Variants in LEPR observed in about 807,000 individuals in gnomAD.
LEPR encodes OB receptor.
In LEPR, 56 loss-of-function variants were observed where a neutral mutation model predicts 114.7. The observed-to-expected ratio is 0.49, with a 90% CI of 0.39 to 0.61. LEPR has a LOEUF of 0.61. LEPR is among the 20% of genes least tolerant of loss of function. The probability of loss-of-function intolerance (pLI) is 0.00; values close to 1 mark genes in which losing one functional copy is unlikely to be tolerated. For missense variants in LEPR, 1,202 were observed against 1,352.9 expected (o/e 0.89, Z 1.75); for synonymous variants, 443 against 461.4 (o/e 0.96, Z 0.51).
intron 14 of LEPR, among the ~76,000 whole-genome samples, chr1:65,613,759 CAAAAAAA>C (rs754145031): frequency 6.2e-5 from 2 of 32,286 alleles, no homozygotes; most frequent in South Asian, 1.3e-3. Context: ...GACTCCGTCT[CAAAAAAA>C]AAAAAAAAAA....
chr1:65,525,464 C>G (rs1266641256), intron 2 of LEPR, among the ~76,000 whole-genome samples: 1 of 152,122 alleles, frequency 6.6e-6, no homozygotes, highest in East Asian at 1.9e-4. Flanking sequence ...CGCAGGCCCG[C>G]GGCCACCCGC....
intron 19 of LEPR, among the ~76,000 whole-genome samples, chr1:65,632,919 G>A (rs892901343): frequency 6.6e-6 from 1 of 151,574 alleles, no homozygotes; most frequent in Non-Finnish European, 1.5e-5. Flanking sequence ...CCCTTCCTGG[G>A]GTAATTAAAG....
intron 2 of LEPR, among the ~76,000 whole-genome samples, chr1:65,474,485 C>T (rs1036621629): frequency 6.6e-6 from 1 of 152,212 alleles, no homozygotes; most frequent in Non-Finnish European, 1.5e-5. Context: ...CTCATCTGGT[C>T]ACTATCTAAG....
At chr1:65,428,933 A>G (rs1046803102) in intron 2 of LEPR, among the ~76,000 whole-genome samples, 2 of 152,162 alleles carry the variant, frequency 1.3e-5, no homozygotes, top group South Asian at 2.1e-4. Flanking sequence ...ATGAAGATCA[A>G]AGTACATCTA....
intron 2 of LEPR, among the ~76,000 whole-genome samples, chr1:65,448,451 G>A (rs985271465): frequency 3.3e-5 from 5 of 152,062 alleles, no homozygotes; most frequent in East Asian, 3.9e-4. Context: ...TTTTGCATCC[G>A]TGTTCATGAA....
intron 2 of LEPR, among the ~76,000 whole-genome samples, chr1:65,498,343 C>G (rs1323326874): frequency 1.3e-5 from 2 of 152,086 alleles, no homozygotes; most frequent in African/African-American, 4.8e-5. Flanking sequence ...AGGGCTTTCC[C>G]CCTTTTCTTT....
At chr1:65,432,704 A>C in intron 2 of LEPR, 1 of 886,176 alleles carries the variant, frequency 1.1e-6, no homozygotes, top group Non-Finnish European at 1.4e-6. Flanking sequence ...ACAAAGCCTC[A>C]GTTAGGAGGA....
chr1:65,550,475 C>T (rs1331191658), intron 2 of LEPR, among the ~76,000 whole-genome samples: 2 of 152,232 alleles, frequency 1.3e-5, no homozygotes, highest in Admixed American at 6.5e-5. Context: ...CCACCCAGTT[C>T]GAGCTTCCTG....
At position 65,598,782 on chromosome 1, in the gene LEPR, T is replaced by G; in HGVS notation, c.972T>G (p.Thr324=). 6.2e-7 allele frequency: 1 copy of G among 1,613,380 alleles called. No individual in the cohort carries two copies. The highest frequency in any genetic ancestry group is 8.5e-7 in the Non-Finnish European group (1 of 1,179,486). The stretch of plus-strand genomic sequence containing the variant: ...CAGGAATCTGGAGTGACTGGAGTAC[T>G]CCTCGTGTCTTTACCACACAAGGTA... ...DGPGIWSDWS[T]PRVFTTQDVI... Residue 324 remains threonine (T), a synonymous_variant, in exon 8 of 20, where the codon ACT becomes ACG. Coordinates refer to ENST00000349533, the MANE Select transcript of LEPR (RefSeq NM_002303.6).
rs536089372 is a variant in LEPR, at chr1:65,498,773, A to T, written c.-20-66773A>T. Among the ~76,000 whole-genome samples the T allele has an allele frequency of 2.0e-3, 312 of 152,272 alleles. 1 individual carries two copies. The highest frequency in any genetic ancestry group is 7.2e-3 in the African/African-American group (301 of 41,570). ...TGATCATTTCTTTAAATACCCAGGT[A>T]TATGCTTGACTCCATAATATTTTAC... is the stretch of plus-strand genomic sequence containing the variant. On this transcript the variant is annotated intron_variant, in intron 2 of 19. Transcript: ENST00000349533.
chr1:65,577,976 C>T (rs1044549688), intron 5 of LEPR, among the ~76,000 whole-genome samples: 1 of 151,254 alleles, frequency 6.6e-6, no homozygotes. Context: ...CACCCCCCTA[C>T]AGGCCCCAGT....
intron 2 of LEPR, among the ~76,000 whole-genome samples, chr1:65,429,548 A>T (rs1368888634): frequency 2.0e-5 from 3 of 152,204 alleles, no homozygotes; most frequent in East Asian, 3.9e-4. Flanking sequence ...TCTATAGGGA[A>T]GGCAGAAATG....
At position 65,592,793 on chromosome 1, in the gene LEPR, A is replaced by G. The variant is rs757737581; in HGVS notation, c.631A>G (p.Met211Val). 6.2e-7 allele frequency: 1 copy of G among 1,613,300 alleles called. No homozygotes were observed. Among genetic ancestry groups the G allele is most frequent in the Non-Finnish European group, 8.5e-7 (1 of 1,179,464 alleles). The part of the protein sequence containing the change: ...PTAKLNDTLL[M>V]CLKITSGGVI... ...AGCCAAACTCAACGACACTCTCCTTATGTGTTTGAAAATCACATCTGGTGG... is the reference window on the plus strand; with the variant it reads ...AGCCAAACTCAACGACACTCTCCTTGTGTGTTTGAAAATCACATCTGGTGG... The change falls in exon 6 of 20, where the codon ATG becomes GTG. Residue 211 changes from methionine (M) to valine (V), a missense_variant. By Grantham distance (21) the Met-to-Val change is conservative (BLOSUM62 1). Transcript: ENST00000349533.
In LEPR at chr1:65,629,092, C is replaced by T. The variant is rs539811797; in HGVS notation, c.2673+6111C>T. Among the ~76,000 whole-genome samples, 24 of 152,142 alleles carry T rather than the reference C, an allele frequency of 1.6e-4. No individual in the cohort carries two copies. In the East Asian group the frequency reaches 3.7e-3, roughly 23 times the overall value. ...GAGGATTTACTCCCACACATTATTC[C>T]CTCCTTGTGTTTCTACCCATATTGT... On this transcript the variant is annotated intron_variant, in intron 19 of 19. Coordinates refer to ENST00000349533, the MANE Select transcript of LEPR (RefSeq NM_002303.6).
chr1:65,519,028 T>C (rs1184398301), intron 2 of LEPR, among the ~76,000 whole-genome samples: 4 of 150,948 alleles, frequency 2.6e-5, no homozygotes, highest in Non-Finnish European at 5.9e-5. Context: ...TCTTTCTCTT[T>C]CTTCTTTTCT....
intron 2 of LEPR, among the ~76,000 whole-genome samples, chr1:65,547,736 T>C (rs1651884138): frequency 7.0e-6 from 1 of 142,946 alleles, no homozygotes; most frequent in Admixed American, 7.2e-5. Flanking sequence ...CTATCAATTT[T>C]GTTGATCCTT....
At chr1:65,427,800 C>T in intron 2 of LEPR, 1 of 416,680 alleles carries the variant, frequency 2.4e-6, no homozygotes, top group Non-Finnish European at 4.8e-6. Context: ...CAACACCCAG[C>T]TGATTTTTTT....
At chr1:65,425,736 G>A (rs954364141) in intron 2 of LEPR, among the ~76,000 whole-genome samples, 3 of 152,208 alleles carry the variant, frequency 2.0e-5, no homozygotes, top group Non-Finnish European at 4.4e-5. Context: ...AGCACAGTAC[G>A]CTGGAGCTCG....
chr1:65,609,113 C>T (rs984002423), intron 12 of LEPR, among the ~76,000 whole-genome samples: 2 of 152,128 alleles, frequency 1.3e-5, no homozygotes, highest in African/African-American at 2.4e-5. Flanking sequence ...TTTTATAGAA[C>T]GTTGGTTGCA....
Sources: allele counts gnomAD v4.1 joint callset (sites outside exome capture counted in the v4.1 genomes callset), GRCh38; gene constraint gnomAD v4.1.1; transcripts MANE v1.5; gene names NCBI Gene and HGNC (gene_info 2026-07-23, HGNC 2026-07-21).